Variants in ROBO2 observed in about 807,000 individuals in gnomAD.
ROBO2 encodes roundabout guidance receptor 2.
A neutral mutation model predicts 160.8 loss-of-function variants in ROBO2; 53 were observed. That is an observed-to-expected ratio of 0.33 (90% CI 0.26 to 0.41). ROBO2 has a LOEUF of 0.41. Ranked by LOEUF, ROBO2 falls within the 10% of genes least tolerant of loss-of-function variation. The probability of loss-of-function intolerance (pLI) is 1.00; values close to 1 mark genes in which losing one functional copy is unlikely to be tolerated. For synonymous variants in ROBO2, 664 were observed against 611.7 expected (o/e 1.09, Z -1.26); for missense variants, 1,577 against 1,722.4 (o/e 0.92, Z 1.49).
At chr3:76,455,458 A>C (rs1001660227) in intron 2 of ROBO2, among the ~76,000 whole-genome samples, 1 of 152,150 alleles carries the variant, frequency 6.6e-6, no homozygotes, top group Non-Finnish European at 1.5e-5. Context: ...AAAAAATAAA[A>C]AGAGTAAAAT....
chr3:77,134,811 A>G (rs956248374), intron 2 of ROBO2, among the ~76,000 whole-genome samples: 2 of 152,240 alleles, frequency 1.3e-5, no homozygotes, highest in African/African-American at 4.8e-5. Context: ...ACATAATCAA[A>G]TCAGTACAGC....
chr3:76,156,396 A>G (rs2072411293), intron 2 of ROBO2, among the ~76,000 whole-genome samples: 1 of 152,182 alleles, frequency 6.6e-6, no homozygotes, highest in Non-Finnish European at 1.5e-5. Context: ...CTGGAACAAA[A>G]CTGGTGTATC....
At chr3:77,352,681 G>GT (rs2068523926) in intron 2 of ROBO2, among the ~76,000 whole-genome samples, 1 of 152,050 alleles carries the variant, frequency 6.6e-6, no homozygotes, top group Non-Finnish European at 1.5e-5. Flanking sequence ...CTTCATCTTA[G>GT]TTTTTTGCCT....
chr3:76,850,452 T>C (rs1293715022), intron 2 of ROBO2, among the ~76,000 whole-genome samples: 2 of 152,162 alleles, frequency 1.3e-5, no homozygotes, highest in Non-Finnish European at 2.9e-5. Context: ...CTTTGACCGA[T>C]GGAAGCGGAT....
chr3:77,616,769 T>C (rs1464419502), intron 21 of ROBO2, among the ~76,000 whole-genome samples: 1 of 152,208 alleles, frequency 6.6e-6, no homozygotes, highest in Non-Finnish European at 1.5e-5. Flanking sequence ...TTGGATTAAT[T>C]TTCTATATTC....
At chr3:76,509,966 A>G (rs551059400) in intron 2 of ROBO2, among the ~76,000 whole-genome samples, 1 of 152,114 alleles carries the variant, frequency 6.6e-6, no homozygotes, top group Admixed American at 6.6e-5. Context: ...AATGTCCCCA[A>G]GGCGAATATA....
intron 1 of ROBO2, among the ~76,000 whole-genome samples, chr3:75,931,224 G>A (rs1232915992): frequency 6.6e-6 from 1 of 152,174 alleles, no homozygotes; most frequent in Non-Finnish European, 1.5e-5. Context: ...AACACTGTGG[G>A]TTTTTTCTTA....
At chr3:76,629,598 C>G (rs2089898852) in intron 2 of ROBO2, among the ~76,000 whole-genome samples, 1 of 152,130 alleles carries the variant, frequency 6.6e-6, no homozygotes, top group South Asian at 2.1e-4. Flanking sequence ...TCGATGATGC[C>G]CATCTAGATT....
At chr3:77,626,012 A>G (rs1271391441) in intron 23 of ROBO2, among the ~76,000 whole-genome samples, 1 of 152,188 alleles carries the variant, frequency 6.6e-6, no homozygotes, top group Non-Finnish European at 1.5e-5. Flanking sequence ...TGGAAGAAGA[A>G]TGTTCAAAAT....
At chr3:77,492,325 C>T (rs939744962) in intron 4 of ROBO2, among the ~76,000 whole-genome samples, 1 of 152,162 alleles carries the variant, frequency 6.6e-6, no homozygotes, top group Admixed American at 6.5e-5. Context: ...ACAAGGAATG[C>T]CAATGTCTGG....
intron 2 of ROBO2, among the ~76,000 whole-genome samples, chr3:75,987,563 C>A (rs1462816763): frequency 6.6e-6 from 1 of 151,880 alleles, no homozygotes; most frequent in East Asian, 1.9e-4. Flanking sequence ...TGCCTGATTT[C>A]ACTGGTTAGG....
At chr3:77,473,701 C>A (rs1456466466) in intron 2 of ROBO2, among the ~76,000 whole-genome samples, 1 of 151,976 alleles carries the variant, frequency 6.6e-6, no homozygotes, top group Non-Finnish European at 1.5e-5. Flanking sequence ...CGTGATCCAC[C>A]CACCTCGGCC....
chr3:77,526,351 G>A (rs1024862556), intron 6 of ROBO2, among the ~76,000 whole-genome samples: 5 of 151,442 alleles, frequency 3.3e-5, no homozygotes, highest in Non-Finnish European at 5.9e-5. Flanking sequence ...TCATCAACAC[G>A]AAACTATTGG....
Position 77,408,879 on chromosome 3 carries a change from T to A in ROBO2, c.389-68535T>A, listed in dbSNP as rs2076472387. 2.0e-5 allele frequency among the ~76,000 whole-genome samples: 3 copies of A among 151,914 alleles called. No individual in the cohort carries two copies. The South Asian group carries it at 6.2e-4, about 32-fold the overall frequency. On this transcript the variant is annotated intron_variant, in intron 2 of 25. Coordinates refer to ENST00000461745, the Ensembl canonical transcript of ROBO2. ...AGCTGGGGCTACAGGCATTCACCAC[T>A]GTGGCTGGCTAATTTTTTAAGTTTT...
At chr3:76,307,910 AG>A (rs1348999326) in intron 2 of ROBO2, among the ~76,000 whole-genome samples, 1 of 152,172 alleles carries the variant, frequency 6.6e-6, no homozygotes, top group African/African-American at 2.4e-5. Context: ...CTTATGAGCA[AG>A]GTAGCTCAGA....
intron 2 of ROBO2, among the ~76,000 whole-genome samples, chr3:76,759,150 G>C (rs1359230921): frequency 6.6e-6 from 1 of 151,630 alleles, no homozygotes; most frequent in Admixed American, 6.6e-5. Context: ...TTTTCATCTT[G>C]CAAATAAGGA....
chr3:75,917,128 G>A (rs981536610), intron 1 of ROBO2, among the ~76,000 whole-genome samples: 12 of 152,092 alleles, frequency 7.9e-5, no homozygotes, highest in East Asian at 1.9e-4. Flanking sequence ...CTATCAACCC[G>A]TTATCTAGGT....
intron 2 of ROBO2, among the ~76,000 whole-genome samples, chr3:76,019,826 C>T (rs1272883221): frequency 5.1e-5 from 7 of 137,098 alleles, no homozygotes; most frequent in African/African-American, 1.6e-4. Context: ...AAGTTCTGTG[C>T]GTATCTGAGA....
In ROBO2 at chr3:76,573,096, G is replaced by A. The variant is rs1206362074; in HGVS notation, c.110-524918G>A. Among the ~76,000 whole-genome samples the A allele has an allele frequency of 3.9e-5, 6 of 151,992 alleles. No individual in the cohort carries two copies. In the East Asian group the frequency reaches 5.8e-4, roughly 15 times the overall value. On this transcript the variant is annotated intron_variant, in intron 2 of 26. Coordinates refer to the ROBO2 transcript ENST00000487694. ...TAATTAGTTAGTTTAGCACTTCCAC[G>A]TTGCCTGGGACAGGTTAAGTATCAA...
Sources: gnomAD v4.1 joint callset for allele counts (sites outside exome capture counted in the v4.1 genomes callset) on GRCh38, gnomAD v4.1.1 for gene constraint, MANE v1.5 for transcripts, NCBI Gene and HGNC (gene_info 2026-07-23, HGNC 2026-07-21) for gene names.